Variants in DCDC2 observed in about 807,000 individuals in gnomAD.
DCDC2 encodes the protein doublecortin domain-containing protein 2.
In DCDC2, 40 loss-of-function variants were observed where a neutral mutation model predicts 50.2. That is an observed-to-expected ratio of 0.80 (90% confidence interval 0.62 to 1.04). The LOEUF (loss-of-function observed/expected upper bound fraction) is 1.04, where lower values mean the gene tolerates loss of function less well. Ranked by LOEUF, DCDC2 falls within the 50% of genes least tolerant of loss-of-function variation. The pLI, the probability that DCDC2 is intolerant of heterozygous loss-of-function variation, is 0.00. For synonymous variants in DCDC2, 234 were observed against 210.6 expected, an observed-to-expected ratio of 1.11 and a Z score of -0.96; for missense variants, 570 against 581.9, an observed-to-expected ratio of 0.98 and a Z score of 0.21.
At chr6:24,372,510 C>A in the DCDC2 span, among the ~76,000 whole-genome samples, 1 of 151,922 alleles carries the variant, frequency 6.6e-6, no homozygotes, top group African/African-American at 2.4e-5. Context: ...AGACTTAGAA[C>A]CAACCCAAAT....
the DCDC2 span, among the ~76,000 whole-genome samples, chr6:24,363,646 G>T: frequency 1.3e-5 from 2 of 152,092 alleles, no homozygotes; most frequent in East Asian, 3.8e-4. Flanking sequence ...AGACCACATT[G>T]CACCCTAGGT....
At chr6:24,334,672 C>T (rs377146497) in intron 2 of DCDC2, among the ~76,000 whole-genome samples, 1 of 152,156 alleles carries the variant, frequency 6.6e-6, no homozygotes, top group African/African-American at 2.4e-5. Flanking sequence ...GGCATGAGCA[C>T]CCCACCCACT....
intron 7 of DCDC2, among the ~76,000 whole-genome samples, chr6:24,251,670 C>G (rs1762796846): frequency 1.3e-5 from 2 of 152,172 alleles, no homozygotes; most frequent in South Asian, 4.1e-4. Context: ...CTCCCTGTGT[C>G]TCTATTTCTA....
intron 7 of DCDC2, among the ~76,000 whole-genome samples, chr6:24,247,204 G>A (rs1037471215): frequency 5.3e-5 from 8 of 152,162 alleles, no homozygotes; most frequent in Non-Finnish European, 1.0e-4. Flanking sequence ...GTTTGAGGCT[G>A]CAGTGTAGCG....
At chr6:24,358,940 T>A (rs796522167), upstream of DCDC2, among the ~76,000 whole-genome samples, 1 of 58,690 alleles carries the variant, frequency 1.7e-5, no homozygotes, top group East Asian at 1.0e-3. Flanking sequence ...ATATATTTTA[T>A]ATATTATATA....
At chr6:24,286,592 CAAAA>C (rs542275916) in intron 6 of DCDC2, among the ~76,000 whole-genome samples, 1 of 121,804 alleles carries the variant, frequency 8.2e-6, no homozygotes, top group South Asian at 2.8e-4. Flanking sequence ...GACCCTGTCT[CAAAA>C]AAAAAAAAAA....
chr6:24,217,907 TA>T (rs1762017656), intron 7 of DCDC2, among the ~76,000 whole-genome samples: 1 of 152,234 alleles, frequency 6.6e-6, no homozygotes, highest in East Asian at 1.9e-4. Flanking sequence ...TGACTATGCA[TA>T]AAGTCTGCAA....
chr6:24,280,018 T>C (rs931292381), intron 6 of DCDC2, among the ~76,000 whole-genome samples: 1 of 152,218 alleles, frequency 6.6e-6, no homozygotes, highest in Non-Finnish European at 1.5e-5. Context: ...TTATGCAACA[T>C]CTGTACTATG....
chr6:24,336,362 C>T (rs1053397559), intron 2 of DCDC2, among the ~76,000 whole-genome samples: 3 of 152,134 alleles, frequency 2.0e-5, no homozygotes, highest in African/African-American at 7.2e-5. Context: ...TTGGCTAATT[C>T]ACAGTGTATT....
chr6:24,369,304 G>A, the DCDC2 span, among the ~76,000 whole-genome samples: 1 of 151,872 alleles, frequency 6.6e-6, no homozygotes, highest in Non-Finnish European at 1.5e-5. Flanking sequence ...GGTAACCATT[G>A]TTTTAAAAAA....
chr6:24,326,533 G>GA (rs541406925), intron 2 of DCDC2, among the ~76,000 whole-genome samples: 1 of 149,082 alleles, frequency 6.7e-6, no homozygotes, highest in African/African-American at 2.4e-5. Flanking sequence ...TCTAGCAGAA[G>GA]AAAAAAACAC....
intron 2 of DCDC2, among the ~76,000 whole-genome samples, chr6:24,325,164 G>A (rs758780110): frequency 6.9e-5 from 9 of 130,766 alleles, no homozygotes; most frequent in African/African-American, 1.0e-4. Flanking sequence ...AAACTAAAAC[G>A]TTCCATCTAG....
intron 2 of DCDC2, among the ~76,000 whole-genome samples, chr6:24,345,585 A>T (rs1760239395): frequency 6.6e-6 from 1 of 151,700 alleles, no homozygotes; most frequent in African/African-American, 2.4e-5. Flanking sequence ...GAGGATTCAG[A>T]AGGATGGCTT....
intron 4 of DCDC2, among the ~76,000 whole-genome samples, chr6:24,300,010 A>G (rs1759337132): frequency 6.6e-6 from 1 of 152,188 alleles, no homozygotes; most frequent in Non-Finnish European, 1.5e-5. Flanking sequence ...AATAATCTCT[A>G]AGATTTATTA....
chr6:24,359,533 T>TATATATA (rs1760621618), upstream of DCDC2, among the ~76,000 whole-genome samples: 1 of 104,598 alleles, frequency 9.6e-6, no homozygotes, highest in African/African-American at 3.9e-5. Context: ...TTATATATAT[T>TATATATA]TTTTATATAT....
chr6:24,356,558 T>A (rs1561786685), intron 1 of DCDC2, among the ~76,000 whole-genome samples: 5 of 148,934 alleles, frequency 3.4e-5, no homozygotes. Context: ...AATAAAGCTG[T>A]AAAAAAAAAA....
Position 24,174,381 on chromosome 6 carries a change from T to G in DCDC2, c.*349A>C, listed in dbSNP as rs1209308882. On this transcript the variant is annotated 3_prime_UTR_variant, in exon 10 of 10. Coordinates refer to ENST00000378454, the MANE Select transcript of DCDC2 (RefSeq NM_016356.5). ...AATTCTACGCCTTCCTAGAGAAAAA[T>G]TATTTAGAATAAACTGCCTTCTAAA... 6.3e-6 allele frequency: 1 copy of G among 159,392 alleles called. No individual in the cohort carries two copies. The highest frequency in any genetic ancestry group is 1.4e-5 in the Non-Finnish European group (1 of 72,584). 9.9% of individuals were successfully genotyped at this position (159,392 alleles called of 1,614,324 possible).
chr6:24,208,423 T>C (rs1268352337), intron 7 of DCDC2, among the ~76,000 whole-genome samples: 2 of 139,590 alleles, frequency 1.4e-5, no homozygotes, highest in Non-Finnish European at 3.0e-5. Context: ...CAGGCTGGAG[T>C]GCAGTGGCGC....
intron 7 of DCDC2, among the ~76,000 whole-genome samples, chr6:24,218,732 G>T (rs1286069195): frequency 6.6e-6 from 1 of 152,100 alleles, no homozygotes; most frequent in African/African-American, 2.4e-5. Context: ...CGAGTAATCT[G>T]CTTACCTCAA....
Sources: gnomAD v4.1 joint callset for allele counts (sites outside exome capture counted in the v4.1 genomes callset) on GRCh38, gnomAD v4.1.1 for gene constraint, MANE v1.5 for transcripts, NCBI Gene and HGNC (gene_info 2026-07-23, HGNC 2026-07-21) for gene names.